The following RYR2 variants were observed in gnomAD, a reference collection of about 807,000 sequenced individuals.
The protein encoded by RYR2 is cardiac muscle ryanodine receptor-calcium release channel.
In RYR2, 227 loss-of-function variants were observed where a neutral mutation model predicts 601.1. That is an observed-to-expected ratio of 0.38 (90% confidence interval 0.34 to 0.42). The LOEUF is 0.42. Ranked by LOEUF, RYR2 falls within the 10% of genes least tolerant of loss-of-function variation. The probability of loss-of-function intolerance (pLI) is 1.00; values close to 1 mark genes in which losing one functional copy is unlikely to be tolerated. For synonymous variants in RYR2, 2,223 were observed against 2,175.1 expected (o/e 1.02, Z -0.61); for missense variants, 4,646 against 6,156.5 (o/e 0.75, Z 8.21).
In RYR2 at chr1:237,310,044, A is replaced by T. The variant is rs562025161; in HGVS notation, c.169-20834A>T. ...GGAGCCAGCTCCAGCCTCGGCCAGC[A>T]CAGAGAAGGGCTCCCACAGTGCAGC... On this transcript the variant is annotated intron_variant, in intron 2 of 104. Coordinates refer to ENST00000366574, the MANE Select transcript of RYR2 (RefSeq NM_001035.3). 6.5e-4 allele frequency among the ~76,000 whole-genome samples: 99 copies of T among 152,308 alleles called. No homozygotes were observed. In the Middle Eastern group the frequency reaches 0.01, roughly 16 times the overall value.
chr1:237,787,943 C>A (rs767758847), intron 91 of RYR2, 45 bp from the exon 92 acceptor site: 17 of 1,546,222 alleles, frequency 1.1e-5, no homozygotes, highest in Non-Finnish European at 1.4e-5. Context: ...CCGTTTAGTT[C>A]TTTAGTTTCT....
At chr1:237,484,037 G>A (rs1662410020) in intron 17 of RYR2, among the ~76,000 whole-genome samples, 1 of 152,140 alleles carries the variant, frequency 6.6e-6, no homozygotes, top group Admixed American at 6.5e-5. Context: ...TTTACATGGG[G>A]CAGTTCAATT....
intron 29 of RYR2, among the ~76,000 whole-genome samples, chr1:237,573,278 G>A (rs1045499564): frequency 2.2e-4 from 34 of 151,670 alleles, no homozygotes; most frequent in African/African-American, 8.0e-4. Context: ...GTATATGTGT[G>A]TATGCGCACA....
intron 34 of RYR2, among the ~76,000 whole-genome samples, chr1:237,600,642 C>G (rs1559093061): frequency 6.6e-6 from 1 of 151,628 alleles, no homozygotes; most frequent in African/African-American, 2.4e-5. Context: ...GCCAAGGAAA[C>G]AATTAACAGA....
rs1343531428 is a variant in RYR2 at position 237,548,581 on chromosome 1, C to A, written c.3057C>A (p.Gly1019=). ...GAATCCGGCAGGGCTGGACTTATGG[C>A]ATCCAACAGGTACATGGGAATTAGC... is the stretch of plus-strand genomic sequence containing the variant. ...RDRIRQGWTY[G]IQQDVKNRRN... Residue 1019 remains glycine, a synonymous_variant, in exon 26 of 105, where the codon GGC becomes GGA. Transcript: ENST00000366574. The A allele has an allele frequency of 1.9e-6, 3 of 1,613,732 alleles. No individual in the cohort carries two copies. The highest frequency in any genetic ancestry group is 1.7e-6 in the Non-Finnish European group (2 of 1,179,788).
chr1:237,377,324 G>A lies in RYR2; in HGVS notation c.465G>A (p.Gly155=), dbSNP rs1263456973. ...FDVGLQEDTT[G]EACWWTIHPA... The stretch of plus-strand genomic sequence containing the variant: ...TTTCACATATCCGTATATCTGCAGG[G>A]GAGGCTTGTTGGTGGACCATACACC... The change falls in exon 8 of 105, where the codon GGG becomes GGA. Residue 155 remains glycine, a splice_region_variant and synonymous_variant. Coordinates refer to ENST00000366574, the MANE Select transcript of RYR2 (RefSeq NM_001035.3). 1.2e-6 allele frequency: 2 copies of A among 1,609,104 alleles called. No homozygotes were observed. Among genetic ancestry groups the A allele is most frequent in the South Asian group, 2.2e-5 (2 of 90,146 alleles).
intron 63 of RYR2, among the ~76,000 whole-genome samples, chr1:237,690,516 A>G (rs1402353288): frequency 3.3e-5 from 5 of 152,232 alleles, no homozygotes; most frequent in Non-Finnish European, 5.9e-5. Flanking sequence ...AAAGCTTATT[A>G]TACTTTATTT....
At chr1:237,240,296 G>A (rs1686008791) in intron 1 of RYR2, among the ~76,000 whole-genome samples, 1 of 152,012 alleles carries the variant, frequency 6.6e-6, no homozygotes, top group Admixed American at 6.6e-5. Context: ...ACACAATTCT[G>A]GAGCACTGAA....
At chr1:237,803,441 C>G (rs371854993) in intron 98 of RYR2, among the ~76,000 whole-genome samples, 3 of 152,286 alleles carry the variant, frequency 2.0e-5, no homozygotes, top group African/African-American at 7.2e-5. Flanking sequence ...GCTGGGACTA[C>G]AGGCGCCCGC....
chr1:237,651,759 C>T (rs1049297847), intron 51 of RYR2, among the ~76,000 whole-genome samples: 29 of 151,402 alleles, frequency 1.9e-4, no homozygotes, highest in African/African-American at 4.6e-4. Flanking sequence ...GACCACAGGC[C>T]GGGCGCGGTG....
At chr1:237,627,259 A>G (rs1044625263) in intron 40 of RYR2, among the ~76,000 whole-genome samples, 7 of 152,240 alleles carry the variant, frequency 4.6e-5, no homozygotes, top group African/African-American at 1.7e-4. Context: ...TTTAATATAA[A>G]TTCACAATCA....
At chr1:237,669,858 A>G (rs1684741297) in intron 58 of RYR2, among the ~76,000 whole-genome samples, 4 of 151,698 alleles carry the variant, frequency 2.6e-5, no homozygotes, top group Non-Finnish European at 5.9e-5. Flanking sequence ...GCGGCCAGGC[A>G]GAGACGCTCC....
intron 25 of RYR2, among the ~76,000 whole-genome samples, chr1:237,533,356 T>C (rs78120184): frequency 6.6e-6 from 1 of 152,180 alleles, no homozygotes; most frequent in African/African-American, 2.4e-5. Flanking sequence ...TTTGGCATCA[T>C]TGTGTAAAAT....
chr1:237,564,260 A>T (rs1273185795), intron 27 of RYR2, among the ~76,000 whole-genome samples: 2 of 151,988 alleles, frequency 1.3e-5, no homozygotes, highest in Non-Finnish European at 1.5e-5. Flanking sequence ...AGCACTGAGA[A>T]CGAGTTTCTT....
intron 79 of RYR2, among the ~76,000 whole-genome samples, chr1:237,741,535 T>C (rs1421806169): frequency 1.3e-5 from 2 of 152,174 alleles, no homozygotes. Flanking sequence ...GTCACTATTA[T>C]ACTACAGACC....
intron 1 of RYR2, among the ~76,000 whole-genome samples, chr1:237,268,907 G>C (rs1163567956): frequency 5.4e-5 from 6 of 110,704 alleles, no homozygotes; most frequent in Admixed American, 5.0e-4. Flanking sequence ...CTGCACTCCA[G>C]CCTGGTGACA....
intron 1 of RYR2, among the ~76,000 whole-genome samples, chr1:237,215,331 GA>G (rs990900946): frequency 6.6e-6 from 1 of 151,850 alleles, no homozygotes; most frequent in South Asian, 2.1e-4. Flanking sequence ...AGGCATATAG[GA>G]AAAAAACACT....
At chr1:237,676,069 G>T (rs1290871172) in intron 60 of RYR2, among the ~76,000 whole-genome samples, 1 of 152,012 alleles carries the variant, frequency 6.6e-6, no homozygotes, top group African/African-American at 2.4e-5. Flanking sequence ...ATGAGGTAGG[G>T]GTGAATTATT....
intron 48 of RYR2, 96 bp downstream of exon 48, chr1:237,643,543 C>A: frequency 7.1e-7 from 1 of 1,400,184 alleles, no homozygotes; most frequent in South Asian, 1.2e-5. Flanking sequence ...AACCTCTCCA[C>A]TTCCTAAATT....
Sources: gnomAD v4.1 joint callset for allele counts (sites outside exome capture counted in the v4.1 genomes callset) on GRCh38, gnomAD v4.1.1 for gene constraint, MANE v1.5 for transcripts, NCBI Gene and HGNC (gene_info 2026-07-23, HGNC 2026-07-21) for gene names.